Variants in FKBP5 observed in about 807,000 individuals in gnomAD.
The protein encoded by FKBP5 is peptidyl-prolyl cis-trans isomerase FKBP5.
A neutral mutation model predicts 50.5 loss-of-function variants in FKBP5; 23 were observed. The ratio of observed to expected loss-of-function variants is 0.46; its 90% CI spans 0.33 to 0.65. The LOEUF is 0.65. Ranked by LOEUF, FKBP5 falls within the 30% of genes least tolerant of loss-of-function variation. FKBP5 has a pLI of 0.02. For missense variants in FKBP5, 411 were observed against 553.1 expected, an observed-to-expected ratio of 0.74 and a Z score of 2.58; for synonymous variants, 176 against 190.6, an observed-to-expected ratio of 0.92 and a Z score of 0.63.
At chr6:35,642,680 A>C in intron 2 of FKBP5, 40 bp downstream of exon 2, 1 of 1,493,260 alleles carries the variant, frequency 6.7e-7, no homozygotes, top group Non-Finnish European at 9.3e-7. Flanking sequence ...CTTTCCAGAC[A>C]GCAGGTTTCC....
rs571081587 is a variant in FKBP5, at chr6:35,722,912, G to GCA, written c.-240-2366_-240-2365dup. Among the ~76,000 whole-genome samples the GCA allele has an allele frequency of 1.1e-4, 16 of 152,228 alleles. No individual in the cohort carries two copies. The East Asian group carries it at 2.9e-3, about 28-fold the overall frequency. On this transcript the variant is annotated intron_variant, in intron 1 of 11. Coordinates refer to the FKBP5 transcript ENST00000536438. ...TCCCCAGTTTGTAGCACAATACTTG[G>GCA]CACACACACACAGTAGGTGCTTAAT... is the stretch of plus-strand genomic sequence containing the variant.
At chr6:35,628,015 C>T (rs1164066982) in intron 3 of FKBP5, among the ~76,000 whole-genome samples, 1 of 150,332 alleles carries the variant, frequency 6.7e-6, no homozygotes, top group Admixed American at 6.6e-5. Context: ...TCAGGTGATC[C>T]GCCCGCCTCG....
intron 3 of FKBP5, 62 bp from the exon 4 acceptor site, chr6:35,620,336 T>A: frequency 6.4e-7 from 1 of 1,559,992 alleles, no homozygotes; most frequent in Non-Finnish European, 8.7e-7. Context: ...TTAACTTTCA[T>A]AAAACCAAAG....
intron 6 of FKBP5, among the ~76,000 whole-genome samples, chr6:35,591,967 T>C (rs1310579270): frequency 1.3e-5 from 2 of 152,230 alleles, no homozygotes; most frequent in Non-Finnish European, 2.9e-5. Context: ...ATTTGTTTTC[T>C]TGGGATCATG....
At chr6:35,666,626 C>T (rs1354815746) in intron 1 of FKBP5, among the ~76,000 whole-genome samples, 1 of 152,062 alleles carries the variant, frequency 6.6e-6, no homozygotes, top group African/African-American at 2.4e-5. Context: ...CACGGTGGCT[C>T]ACGCCTGTAA....
chr6:35,666,481 A>C (rs1192478856), intron 1 of FKBP5, among the ~76,000 whole-genome samples: 3 of 150,440 alleles, frequency 2.0e-5, no homozygotes, highest in Non-Finnish European at 4.4e-5. Flanking sequence ...AAAATTATAT[A>C]ATTAAAAATA....
chr6:35,663,188 A>G (rs1007848147), intron 1 of FKBP5, among the ~76,000 whole-genome samples: 29 of 152,160 alleles, frequency 1.9e-4, no homozygotes, highest in African/African-American at 6.8e-4. Context: ...TGACCATGTG[A>G]GCTGAGGGGG....
At chr6:35,621,037 A>G (rs1482549086) in intron 3 of FKBP5, among the ~76,000 whole-genome samples, 1 of 152,238 alleles carries the variant, frequency 6.6e-6, no homozygotes, top group Non-Finnish European at 1.5e-5. Context: ...TAAATTGCAT[A>G]AAAGGGTCCA....
chr6:35,576,974 T>G lies in FKBP5; in HGVS notation c.1266+20A>C. 6.2e-7 allele frequency: 1 copy of G among 1,612,082 alleles called. No homozygotes were observed. The highest frequency in any genetic ancestry group is 8.5e-7 in the Non-Finnish European group (1 of 1,179,064). On this transcript the variant is annotated intron_variant, in intron 10 of 10. Transcript: ENST00000357266. ...GGTCAGGCTCTTGATCCACCTGCAG[T>G]CATCAGGCTCTGCACACACCTTGGC...
chr6:35,633,752 G>A (rs28675670), intron 3 of FKBP5, among the ~76,000 whole-genome samples: 11,050 of 151,964 alleles, frequency 0.073, 798 homozygotes, highest in African/African-American at 0.2. Flanking sequence ...TTTTGTTCCC[G>A]CATTCTTTAC....
intron 2 of FKBP5, among the ~76,000 whole-genome samples, chr6:35,697,120 A>G (rs1766093035): frequency 6.6e-6 from 1 of 152,214 alleles, no homozygotes; most frequent in African/African-American, 2.4e-5. Flanking sequence ...ACTCAAACAG[A>G]TACTTGGATA....
chr6:35,646,167 C>T (rs1449348893), intron 1 of FKBP5, among the ~76,000 whole-genome samples: 1 of 152,154 alleles, frequency 6.6e-6, no homozygotes, highest in Non-Finnish European at 1.5e-5. Flanking sequence ...TCTCACCTTG[C>T]TATTTTGAAA....
At chr6:35,605,169 T>C (rs1763269300) in intron 5 of FKBP5, among the ~76,000 whole-genome samples, 1 of 152,112 alleles carries the variant, frequency 6.6e-6, no homozygotes, top group Non-Finnish European at 1.5e-5. Flanking sequence ...ATGGGGTGAT[T>C]TGGAAATTCT....
chr6:35,653,789 A>C (rs573339010), intron 1 of FKBP5, among the ~76,000 whole-genome samples: 2 of 152,342 alleles, frequency 1.3e-5, no homozygotes, highest in East Asian at 3.9e-4. Flanking sequence ...TGACAGGACA[A>C]GTGGATTAAA....
chr6:35,718,434 A>C (rs1277916494), intron 2 of FKBP5, among the ~76,000 whole-genome samples: 1 of 152,178 alleles, frequency 6.6e-6, no homozygotes, highest in Non-Finnish European at 1.5e-5. Flanking sequence ...ACACCGGGGA[A>C]TCGGCTGTTG....
chr6:35,703,590 A>G (rs1003516358), intron 2 of FKBP5, among the ~76,000 whole-genome samples: 41 of 152,214 alleles, frequency 2.7e-4, no homozygotes, highest in African/African-American at 9.9e-4. Context: ...ATATTTGTCT[A>G]GCATATGTAG....
Position 35,587,070 on chromosome 6 carries a change from A to G in FKBP5, c.804T>C (p.Ala268=), listed in dbSNP as rs764666360. Residue 268 remains alanine, a synonymous_variant, in exon 8 of 11, where the codon GCT becomes GCC. Transcript: ENST00000357266. ...CGGTTCCCTTCTCTTTGACAATGGC[A>G]GCCTGCTCCAATTTTTCTTTGGTAT... The part of the protein sequence containing the change: ...EMDTKEKLEQ[A]AIVKEKGTVY... 3 of 1,614,114 alleles carry G rather than the reference A, an allele frequency of 1.9e-6. No homozygotes were observed. Among genetic ancestry groups the G allele is most frequent in the Non-Finnish European group, 2.5e-6 (3 of 1,179,984 alleles).
At position 35,575,059 on chromosome 6, in the gene FKBP5, CAG is replaced by C. The variant is rs1315449116; in HGVS notation, c.*774_*775del. 1 of 152,166 alleles carries C rather than the reference CAG, an allele frequency of 6.6e-6. No individual in the cohort carries two copies. Among genetic ancestry groups the C allele is most frequent in the Admixed American group, 6.5e-5 (1 of 15,278 alleles). 9.4% of individuals were successfully genotyped at this position (152,166 alleles called of 1,614,324 possible). A position where few individuals can be genotyped will look rare whatever the true frequency, so the allele number is the denominator to read the frequency against. ...TTGCTCTTTTCACATTTCAGTATCTCAGAACTTCATCGAAAATAGGAAAAGCT... is the reference window on the plus strand; with the variant it reads ...TTGCTCTTTTCACATTTCAGTATCTCAACTTCATCGAAAATAGGAAAAGCT... On this transcript the variant is annotated 3_prime_UTR_variant, in exon 11 of 11. Coordinates refer to ENST00000357266, the MANE Select transcript of FKBP5 (RefSeq NM_004117.4).
chr6:35,711,473 C>T (rs1251100268), intron 2 of FKBP5, among the ~76,000 whole-genome samples: 3 of 152,014 alleles, frequency 2.0e-5, no homozygotes, highest in African/African-American at 7.2e-5. Context: ...CAAAAATTAG[C>T]TGGGCTTGGT....
Sources: gnomAD v4.1 joint callset for allele counts (sites outside exome capture counted in the v4.1 genomes callset) on GRCh38, gnomAD v4.1.1 for gene constraint, MANE v1.5 for transcripts, NCBI Gene and HGNC (gene_info 2026-07-23, HGNC 2026-07-21) for gene names.